The following FAM13A variants were observed in gnomAD, a reference collection of about 807,000 sequenced individuals.
FAM13A encodes family with sequence similarity 13 member A.
FAM13A carries 76 observed loss-of-function variants against 129.6 expected under a neutral mutation model. The observed-to-expected ratio is 0.59, with a 90% CI of 0.49 to 0.71. FAM13A has a LOEUF of 0.71. Ranked by LOEUF, FAM13A falls within the 30% of genes least tolerant of loss-of-function variation. The pLI is 0.00. For missense variants in FAM13A, 1,108 were observed against 1,249.3 expected (o/e 0.89, Z 1.70); for synonymous variants, 443 against 449.9 (o/e 0.98, Z 0.20).
chr4:88,793,166 T>C (rs1725499710), intron 8 of FAM13A, among the ~76,000 whole-genome samples: 2 of 151,988 alleles, frequency 1.3e-5, no homozygotes, highest in South Asian at 4.1e-4. Context: ...AAAACTTCAA[T>C]TACTTAAATA....
At chr4:88,989,535 G>A (rs1052983569) in intron 4 of FAM13A, 1 of 152,456 alleles carries the variant, frequency 6.6e-6, no homozygotes, top group East Asian at 1.9e-4. Flanking sequence ...CCGGAGGGTG[G>A]AGGTTGCAGT....
intron 18 of FAM13A, among the ~76,000 whole-genome samples, chr4:88,747,349 T>C (rs1741572744): frequency 6.6e-6 from 1 of 152,164 alleles, no homozygotes; most frequent in Middle Eastern, 3.2e-3. Flanking sequence ...CAAAGGTTTG[T>C]CTCTAATCCT....
intron 7 of FAM13A, among the ~76,000 whole-genome samples, chr4:88,848,811 G>T (rs1349293101): frequency 2.0e-5 from 3 of 152,114 alleles, no homozygotes; most frequent in African/African-American, 7.2e-5. Flanking sequence ...AGTTTTTCAT[G>T]ATCTGACCTA....
intron 11 of FAM13A, among the ~76,000 whole-genome samples, chr4:88,775,445 C>A (rs1184825803): frequency 6.6e-6 from 1 of 152,066 alleles, no homozygotes; most frequent in Non-Finnish European, 1.5e-5. Flanking sequence ...GCACGTCACT[C>A]CTGTAATCCC....
Position 88,732,178 on chromosome 4 carries a change from T to G in FAM13A, c.2667A>C (p.Glu889Asp). 6.2e-7 allele frequency: 1 copy of G among 1,609,290 alleles called. No individual in the cohort carries two copies. Among genetic ancestry groups the G allele is most frequent in the Non-Finnish European group, 8.5e-7 (1 of 1,177,536 alleles). Reference protein sequence around the residue: ...KEIKEEEEGSEDDSNVKPDFM... With the variant: ...KEIKEEEEGSDDDSNVKPDFM... ...AGTCTGGCTTCACATTGCTATCGTC[T>G]TCTGACCCCTCCTCTTCTTCCTGGA... The change falls in exon 22 of 24, where the codon GAA becomes GAC. Residue 889 changes from glutamate (E) to aspartate (D), a missense_variant. Glu to Asp is a conservative substitution (Grantham distance 45). Transcript: ENST00000264344.
At chr4:88,927,486 G>A (rs1207057246) in intron 5 of FAM13A, among the ~76,000 whole-genome samples, 1 of 95,474 alleles carries the variant, frequency 1.0e-5, no homozygotes, top group Non-Finnish European at 2.3e-5. Flanking sequence ...CTGGTTCTAG[G>A]TTTTTTTTTT....
chr4:88,951,025 G>A (rs7674369), intron 4 of FAM13A, among the ~76,000 whole-genome samples: 71,488 of 151,976 alleles, frequency 0.47, 17,495 homozygotes, highest in African/African-American at 0.62. Context: ...GTGTAAACCC[G>A]GTTGCTGGGT....
intron 4 of FAM13A, among the ~76,000 whole-genome samples, chr4:88,949,267 A>G (rs190914369): frequency 7.8e-4 from 119 of 152,318 alleles, no homozygotes; most frequent in Middle Eastern, 3.4e-3. Context: ...CATTTGATTA[A>G]GCAATACCCT....
chr4:89,020,703 G>A, intron 2 of FAM13A, 34 bp from the exon 3 acceptor site: 2 of 1,424,352 alleles, frequency 1.4e-6, no homozygotes, highest in Non-Finnish European at 2.0e-6. Flanking sequence ...AAAATAAATA[G>A]GTTTCTCACA....
chr4:88,873,265 C>T (rs879243724), intron 6 of FAM13A, among the ~76,000 whole-genome samples: 2 of 152,054 alleles, frequency 1.3e-5, no homozygotes, highest in African/African-American at 4.8e-5. Context: ...CAAAAGCTAG[C>T]AGAAGGCAAG....
At chr4:88,777,021 AGAGT>A (rs1299775641) in intron 11 of FAM13A, among the ~76,000 whole-genome samples, 1 of 152,162 alleles carries the variant, frequency 6.6e-6, no homozygotes, top group Non-Finnish European at 1.5e-5. Context: ...CACCTAGAAC[AGAGT>A]AAGTAGCAGA....
chr4:88,728,858 G>A (rs1736940859), intron 23 of FAM13A, 199 bp from the exon 24 acceptor site: 1 of 530,354 alleles, frequency 1.9e-6, no homozygotes, highest in South Asian at 2.4e-5. Context: ...AAGGCAACAT[G>A]CAACTGAGTT....
intron 5 of FAM13A, among the ~76,000 whole-genome samples, chr4:88,929,958 T>C (rs546539691): frequency 1.6e-4 from 25 of 152,240 alleles, no homozygotes; most frequent in Middle Eastern, 3.4e-3. Flanking sequence ...AAGCTGGTCT[T>C]GAACTCCTAT....
Position 88,976,031 on chromosome 4 carries a change from C to T in FAM13A, c.605+14942G>A, listed in dbSNP as rs116660549. On this transcript the variant is annotated intron_variant, in intron 4 of 23. Transcript: ENST00000264344. Reference sequence around the variant, plus strand: ...ATCCTTTGTTAAATAAAATGTACTGCGCTGCTCTCTTCCCAAGACAGATAT... The same window carrying T: ...ATCCTTTGTTAAATAAAATGTACTGTGCTGCTCTCTTCCCAAGACAGATAT... Among the ~76,000 whole-genome samples, 1,003 of 152,262 alleles carry T rather than the reference C, an allele frequency of 6.6e-3. 17 individuals are homozygous for T. The highest frequency in any genetic ancestry group is 0.023 in the African/African-American group (947 of 41,538).
At chr4:88,951,082 G>C (rs1756875576) in intron 4 of FAM13A, among the ~76,000 whole-genome samples, 1 of 152,220 alleles carries the variant, frequency 6.6e-6, no homozygotes, top group South Asian at 2.1e-4. Flanking sequence ...TTAAGGGCCA[G>C]AACAACCGTG....
At chr4:88,897,567 C>A (rs1290206229) in intron 6 of FAM13A, among the ~76,000 whole-genome samples, 3 of 152,164 alleles carry the variant, frequency 2.0e-5, no homozygotes, top group Non-Finnish European at 4.4e-5. Context: ...CATTTTACAT[C>A]TCTAGCCCAT....
intron 4 of FAM13A, chr4:88,990,163 C>T (rs539136234): frequency 5.3e-5 from 8 of 152,242 alleles, no homozygotes; most frequent in African/African-American, 1.9e-4. Context: ...CCTGTAGTCA[C>T]TAGGATCTAA....
At chr4:88,963,299 C>A (rs74401807) in intron 4 of FAM13A, among the ~76,000 whole-genome samples, 1 of 138,332 alleles carries the variant, frequency 7.2e-6, no homozygotes, top group East Asian at 2.1e-4. Flanking sequence ...CATTTAAAAT[C>A]TTTTTTTTTT....
intron 4 of FAM13A, among the ~76,000 whole-genome samples, chr4:88,947,178 G>A (rs1756034428): frequency 6.6e-6 from 1 of 152,162 alleles, no homozygotes; most frequent in African/African-American, 2.4e-5. Flanking sequence ...AGAGGCTGAG[G>A]TGGGCAGATC....
Sources: gnomAD v4.1 joint callset for allele counts (sites outside exome capture counted in the v4.1 genomes callset) on GRCh38, gnomAD v4.1.1 for gene constraint, MANE v1.5 for transcripts, NCBI Gene and HGNC (gene_info 2026-07-23, HGNC 2026-07-21) for gene names.